Variants in ADAMTS15 observed in about 807,000 individuals in gnomAD.
ADAMTS15 encodes the protein A disintegrin and metalloproteinase with thrombospondin motifs 15.
In ADAMTS15, 35 loss-of-function variants were observed where a neutral mutation model predicts 79.1. The ratio of observed to expected loss-of-function variants is 0.44; its 90% CI spans 0.34 to 0.59. The LOEUF is 0.59. Among genes scored for constraint, ADAMTS15 ranks in the 20% least tolerant of loss-of-function variants. The probability of loss-of-function intolerance (pLI) is 0.02; values close to 1 mark genes in which losing one functional copy is unlikely to be tolerated. For missense variants in ADAMTS15, 1,324 were observed against 1,318.7 expected (o/e 1.00, Z -0.06); for synonymous variants, 616 against 567.3 (o/e 1.09, Z -1.22).
In ADAMTS15 at chr11:130,449,083, G is replaced by T. The variant is rs1937892710; in HGVS notation, c.110G>T (p.Gly37Val). 1.3e-6 allele frequency: 2 copies of T among 1,578,966 alleles called. No homozygotes were observed. Residue 37 changes from glycine to valine, a missense_variant, in exon 1 of 8, where the codon GGC (glycine) becomes GTC (valine). Physicochemically the swap from Gly to Val is moderately radical, Grantham distance 109. Transcript: ENST00000299164. This position sits in a 1 kb window ranked among gnomAD's most constrained non-coding sequence, Gnocchi z 7.8. Reference protein sequence around the residue: ...VPIRLDPDINGRRYYWRGPED... With the variant: ...VPIRLDPDINVRRYYWRGPED... Reference sequence around the variant, plus strand: ...ATCCGACTGGACCCGGACATTAACGGCCGCCGCTACTACTGGCGGGGTCCC... The same window carrying T: ...ATCCGACTGGACCCGGACATTAACGTCCGCCGCTACTACTGGCGGGGTCCC...
Position 130,473,138 on chromosome 11 carries a change from A to C in ADAMTS15, c.2170A>C (p.Asn724His). The change falls in exon 8 of 8, where the codon AAC (asparagine) becomes CAC (histidine). Residue 724 changes from asparagine to histidine, a missense_variant. Coordinates refer to ENST00000299164, the MANE Select transcript of ADAMTS15 (RefSeq NM_139055.4). Reference sequence around the variant, plus strand: ...TTACAAAGGGCTGATCGGGGATGACAACTACCTGGCTCTGAAGAACAGCCA... The same window carrying C: ...TTACAAAGGGCTGATCGGGGATGACCACTACCTGGCTCTGAAGAACAGCCA... ...RGYKGLIGDD[N>H]YLALKNSQGK... The C allele has an allele frequency of 3.7e-6, 6 of 1,614,104 alleles. No homozygotes were observed. Among genetic ancestry groups the C allele is most frequent in the Non-Finnish European group, 4.2e-6 (5 of 1,180,040 alleles).
intron 1 of ADAMTS15, among the ~76,000 whole-genome samples, chr11:130,455,795 G>C (rs1003414675): frequency 3.9e-5 from 6 of 152,182 alleles, no homozygotes; most frequent in Non-Finnish European, 5.9e-5. Context: ...ATGCAGGTGT[G>C]GGGCAAGGAG....
chr11:130,452,342 C>T (rs1236303526), intron 1 of ADAMTS15, among the ~76,000 whole-genome samples: 1 of 152,194 alleles, frequency 6.6e-6, no homozygotes, highest in African/African-American at 2.4e-5. Flanking sequence ...AGTGATCGGT[C>T]TCCAGGCTCA....
chr11:130,467,827 A>G (rs1410297031), intron 4 of ADAMTS15, among the ~76,000 whole-genome samples: 6 of 152,138 alleles, frequency 3.9e-5, no homozygotes. Flanking sequence ...ATTCACCCCA[A>G]AGCCAAACCG....
chr11:130,458,105 G>C (rs1282962843), intron 1 of ADAMTS15, among the ~76,000 whole-genome samples: 1 of 152,232 alleles, frequency 6.6e-6, no homozygotes, highest in Non-Finnish European at 1.5e-5. Context: ...GGAGGAAGGA[G>C]GCTTTTGGCC....
At chr11:130,450,809 T>C (rs529688305) in intron 1 of ADAMTS15, among the ~76,000 whole-genome samples, 1 of 152,314 alleles carries the variant, frequency 6.6e-6, no homozygotes, top group Admixed American at 6.5e-5. Context: ...CTAAAATTCC[T>C]ATGACCACAC....
At chr11:130,471,482 G>C (rs1439965907) in intron 7 of ADAMTS15, 99 bp downstream of exon 7, 2 of 1,399,460 alleles carry the variant, frequency 1.4e-6, no homozygotes, top group Non-Finnish European at 1.9e-6. Context: ...GTAAATGTCA[G>C]ATCCAGCCAG....
rs1164129752 is a variant in ADAMTS15 at position 130,472,214 on chromosome 11, A to G, written c.2078+831A>G. On this transcript the variant is annotated intron_variant, in intron 7 of 7. Coordinates refer to ENST00000299164, the MANE Select transcript of ADAMTS15 (RefSeq NM_139055.4). The surrounding 1 kb of genome is among the most constrained non-coding windows in gnomAD (Gnocchi z 4.7). ...GGGAGCCCAGGTGCTGGTGATGGAA[A>G]GGCCTAGATGGCTGTCCTGGAGCCT... Among the ~76,000 whole-genome samples the G allele has an allele frequency of 1.3e-5, 2 of 152,226 alleles. No homozygotes were observed. The highest frequency in any genetic ancestry group is 2.9e-5 in the Non-Finnish European group (2 of 68,036).
chr11:130,449,849 C>G lies in ADAMTS15; in HGVS notation c.876C>G (p.Phe292Leu), dbSNP rs145460271. The G allele has an allele frequency of 6.2e-7, 1 of 1,607,202 alleles. No homozygotes were observed. Among genetic ancestry groups the G allele is most frequent in the Non-Finnish European group, 8.5e-7 (1 of 1,180,024 alleles). ...TGNAALTLRN[F>L]CAWQKKLNKV... ...ATGCGGCCCTGACGCTGCGCAACTTCTGTGCCTGGCAGAAGAAGCTGAACA... is the reference window on the plus strand; with the variant it reads ...ATGCGGCCCTGACGCTGCGCAACTTGTGTGCCTGGCAGAAGAAGCTGAACA... Residue 292 changes from phenylalanine to leucine, a missense_variant, in exon 1 of 8, where the codon TTC becomes TTG. Coordinates refer to ENST00000299164, the MANE Select transcript of ADAMTS15 (RefSeq NM_139055.4). The surrounding 1 kb of genome is among the most constrained non-coding windows in gnomAD (Gnocchi z 7.8).
intron 1 of ADAMTS15, among the ~76,000 whole-genome samples, chr11:130,455,334 G>A (rs911909275): frequency 6.6e-6 from 1 of 152,146 alleles, no homozygotes. Context: ...AAAGCATTCT[G>A]TCCCATTGTC....
chr11:130,450,131 C>T (rs1055843719), intron 1 of ADAMTS15: 3 of 985,374 alleles, frequency 3.0e-6, no homozygotes, highest in East Asian at 2.3e-4. Flanking sequence ...GCATCTGGGC[C>T]ATTGGAGGAG....
rs1379249211 is a variant in ADAMTS15 at position 130,470,935 on chromosome 11, T to A, written c.1736T>A (p.Phe579Tyr). 6.2e-7 allele frequency: 1 copy of A among 1,613,380 alleles called. No homozygotes were observed. Among genetic ancestry groups the A allele is most frequent in the African/African-American group, 1.3e-5 (1 of 74,894 alleles). ...PCPSSASGKS[F>Y]REEQCEAFNG... ...CCCTCCCTAGCCTCCGGAAAGAGCT[T>A]CCGGGAGGAGCAGTGTGAGGCTTTC... is the stretch of plus-strand genomic sequence containing the variant. The change falls in exon 6 of 8, where the codon TTC becomes TAC. Residue 579 changes from phenylalanine to tyrosine, a missense_variant. Physicochemically the swap from Phe to Tyr is conservative, Grantham distance 22. Coordinates refer to ENST00000299164, the MANE Select transcript of ADAMTS15 (RefSeq NM_139055.4).
At chr11:130,465,714 G>A (rs1278507198) in intron 4 of ADAMTS15, among the ~76,000 whole-genome samples, 5 of 152,008 alleles carry the variant, frequency 3.3e-5, no homozygotes, top group South Asian at 2.1e-4. Flanking sequence ...TCGTCCAGCC[G>A]GCTAGCAGCA....
rs1170832987 is a variant in ADAMTS15 at position 130,472,416 on chromosome 11, G to A, written c.2079-631G>A. 6.6e-6 allele frequency among the ~76,000 whole-genome samples: 1 copy of A among 152,228 alleles called. No homozygotes were observed. The highest frequency in any genetic ancestry group is 1.5e-5 in the Non-Finnish European group (1 of 68,044). ...TGGGGAGTGGGAGGTACATACCCCA[G>A]GCTTGCCTCACTGGTTAAGTGGCAG... On this transcript the variant is annotated intron_variant, in intron 7 of 7. Transcript: ENST00000299164. This position sits in a 1 kb window ranked among gnomAD's most constrained non-coding sequence, Gnocchi z 4.7.
intron 1 of ADAMTS15, among the ~76,000 whole-genome samples, chr11:130,453,786 A>G (rs1938017083): frequency 6.6e-6 from 1 of 152,122 alleles, no homozygotes; most frequent in African/African-American, 2.4e-5. Flanking sequence ...AAACATATAT[A>G]TTCAAGTTAT....
intron 2 of ADAMTS15, among the ~76,000 whole-genome samples, chr11:130,461,830 C>T (rs778231090): frequency 2.0e-5 from 3 of 152,190 alleles, no homozygotes; most frequent in Admixed American, 6.5e-5. Flanking sequence ...CAGAGTGTCT[C>T]AGCACTTAGG....
rs530175288 is a variant in ADAMTS15, at chr11:130,462,849, G to A, written c.1542+69G>A. The A allele has an allele frequency of 2.6e-5, 39 of 1,526,344 alleles. No homozygotes were observed. The East Asian group carries it at 8.4e-4, about 33-fold the overall frequency. 94.6% of individuals were successfully genotyped at this position (1,526,344 alleles called of 1,614,324 possible). Reference sequence around the variant, plus strand: ...GGATGGAGACCCGGGGGCCTCGTCTGCCCTTGGTCTTCACCAGGAAGGTGC... The same window carrying A: ...GGATGGAGACCCGGGGGCCTCGTCTACCCTTGGTCTTCACCAGGAAGGTGC... On this transcript the variant is annotated intron_variant, in intron 4 of 7. Coordinates refer to ENST00000299164, the MANE Select transcript of ADAMTS15 (RefSeq NM_139055.4). This position sits in a 1 kb window ranked among gnomAD's most constrained non-coding sequence, Gnocchi z 4.3.
rs1356069617 is a variant in ADAMTS15, at chr11:130,470,199, T to C, written c.1721-721T>C. On this transcript the variant is annotated intron_variant, in intron 5 of 7. Coordinates refer to ENST00000299164, the MANE Select transcript of ADAMTS15 (RefSeq NM_139055.4). The stretch of plus-strand genomic sequence containing the variant: ...ATATATATGTGTGTATATATATATA[T>C]ATATATATATGTATATATATATATA... 5.0e-5 allele frequency among the ~76,000 whole-genome samples: 3 copies of C among 60,520 alleles called. 1 individual carries two copies. Among genetic ancestry groups the C allele is most frequent in the African/African-American group, 2.4e-4 (3 of 12,644 alleles). The allele number at this position is 60,520 out of a possible 152,430, so 39.7% of individuals were successfully genotyped here. A position where few individuals can be genotyped will look rare whatever the true frequency, so the allele number is the denominator to read the frequency against.
chr11:130,469,752 T>C (rs747053434), intron 5 of ADAMTS15, among the ~76,000 whole-genome samples: 3 of 152,128 alleles, frequency 2.0e-5, no homozygotes, highest in Non-Finnish European at 4.4e-5. Flanking sequence ...ATCAGGGGAA[T>C]GATACACTAG....
Sources: allele counts gnomAD v4.1 joint callset (sites outside exome capture counted in the v4.1 genomes callset), GRCh38; gene constraint gnomAD v4.1.1; non-coding constraint Gnocchi (gnomAD v3.1); transcripts MANE v1.5; gene names NCBI Gene and HGNC (gene_info 2026-07-23, HGNC 2026-07-21).